The following RSPH3 variants were observed in gnomAD, a reference collection of about 807,000 sequenced individuals.
The protein encoded by RSPH3 is radial spoke head protein 3 homolog.
A neutral mutation model predicts 43.8 loss-of-function variants in RSPH3; 21 were observed. The ratio of observed to expected loss-of-function variants is 0.48; its 90% CI spans 0.34 to 0.69. RSPH3 has a LOEUF of 0.69. Among genes scored for constraint, RSPH3 ranks in the 30% least tolerant of loss-of-function variants. The pLI, the probability that RSPH3 is intolerant of heterozygous loss-of-function variation, is 0.01. For missense variants in RSPH3, 487 were observed against 516.0 expected, an observed-to-expected ratio of 0.94 and a Z score of 0.54; for synonymous variants, 173 against 179.8, an observed-to-expected ratio of 0.96 and a Z score of 0.30.
At chr6:158,986,115 C>T (rs1778230229) in intron 3 of RSPH3, among the ~76,000 whole-genome samples, 165 bp downstream of exon 3, 1 of 152,180 alleles carries the variant, frequency 6.6e-6, no homozygotes, top group Non-Finnish European at 1.5e-5. Flanking sequence ...CACACCCAGC[C>T]TAGTCTATGT....
At chr6:158,991,393 T>G (rs1013444725) in intron 2 of RSPH3, among the ~76,000 whole-genome samples, 4 of 152,186 alleles carry the variant, frequency 2.6e-5, no homozygotes, top group African/African-American at 9.6e-5. Flanking sequence ...GGGTTGGAAG[T>G]TCAACTTCCT....
the RSPH3 span, among the ~76,000 whole-genome samples, chr6:158,966,097 A>G: frequency 3.3e-5 from 5 of 152,218 alleles, no homozygotes; most frequent in African/African-American, 1.2e-4. Context: ...TTCAGGGTAC[A>G]TGTGCAGATT....
chr6:158,979,386 C>T (rs933891119), intron 6 of RSPH3, among the ~76,000 whole-genome samples: 3 of 152,104 alleles, frequency 2.0e-5, no homozygotes, highest in Non-Finnish European at 4.4e-5. Context: ...AAAAAGGCTA[C>T]TGGTCTCTCT....
At chr6:158,970,191 ATTC>A (rs578082893), downstream of RSPH3, among the ~76,000 whole-genome samples, 302 of 151,708 alleles carry the variant, frequency 2.0e-3, 9 homozygotes, top group Admixed American at 0.018. Flanking sequence ...GCTGTTTGTT[ATTC>A]TTTGTTTAAT....
Position 158,999,593 on chromosome 6 carries a change from G to A in RSPH3, c.-43C>T. On this transcript the variant is annotated 5_prime_UTR_variant, in exon 1 of 8. Transcript: ENST00000367069. ...CTCGCTTTCGGTGGAGCTTGGCTTT[G>A]AAGCAGGTGGGCGCTAAGGTGTTGT... 6.2e-7 allele frequency: 1 copy of A among 1,610,620 alleles called. No homozygotes were observed. The highest frequency in any genetic ancestry group is 1.3e-5 in the African/African-American group (1 of 74,970).
the RSPH3 span, among the ~76,000 whole-genome samples, chr6:158,963,479 T>C: frequency 8.0e-6 from 1 of 124,530 alleles, no homozygotes; most frequent in African/African-American, 3.0e-5. Flanking sequence ...TCCTCTCCCT[T>C]CCCTTCCCTT....
intron 1 of RSPH3, among the ~76,000 whole-genome samples, chr6:158,997,852 T>TG (rs1478950456): frequency 6.1e-5 from 9 of 147,110 alleles, no homozygotes; most frequent in African/African-American, 9.8e-5. Flanking sequence ...AAATTTTCTA[T>TG]TTTAGTTTTC....
chr6:158,980,256 G>C (rs1039058128), intron 6 of RSPH3, among the ~76,000 whole-genome samples: 1 of 152,078 alleles, frequency 6.6e-6, no homozygotes, highest in Non-Finnish European at 1.5e-5. Flanking sequence ...GCGAAACCCC[G>C]TCTCTACTAA....
intron 3 of RSPH3, among the ~76,000 whole-genome samples, chr6:158,985,376 C>T (rs1039833354): frequency 3.9e-5 from 6 of 152,188 alleles, no homozygotes; most frequent in African/African-American, 1.4e-4. Context: ...AACAGTGATT[C>T]ATGTTGGGCT....
At chr6:158,998,222 C>A (rs1189954603) in intron 1 of RSPH3, among the ~76,000 whole-genome samples, 1 of 140,000 alleles carries the variant, frequency 7.1e-6, no homozygotes, top group Non-Finnish European at 1.5e-5. Flanking sequence ...GAGGCCGAGG[C>A]GGGCGGATCA....
At chr6:158,984,434 T>TTTTTTATATATATA (rs1300418942) in intron 3 of RSPH3, among the ~76,000 whole-genome samples, 3 of 63,706 alleles carry the variant, frequency 4.7e-5, no homozygotes, top group African/African-American at 2.4e-4. Context: ...AAAAAGTCAA[T>TTTTTTATATATATA]TATATATATA....
chr6:158,969,188 G>T (rs1421853840), downstream of RSPH3, among the ~76,000 whole-genome samples: 1 of 152,114 alleles, frequency 6.6e-6, no homozygotes, highest in Non-Finnish European at 1.5e-5. Context: ...AGTATTTCTT[G>T]TAGGGTAGGT....
rs1263716260 is a variant in RSPH3 at position 158,989,266 on chromosome 6, C to T, written c.205-2845G>A. Among the ~76,000 whole-genome samples, 1 of 152,082 alleles carries T rather than the reference C, an allele frequency of 6.6e-6. No homozygotes were observed. Among genetic ancestry groups the T allele is most frequent in the Admixed American group, 6.6e-5 (1 of 15,266 alleles). On this transcript the variant is annotated intron_variant, in intron 2 of 7. Coordinates refer to ENST00000367069, the MANE Select transcript of RSPH3 (RefSeq NM_031924.8). The surrounding 1 kb of genome is among the most constrained non-coding windows in gnomAD (Gnocchi z 4.3). The stretch of plus-strand genomic sequence containing the variant: ...TTCATCATATTGGTCAGGCTGGTCT[C>T]GAACTAATGACCTCAAGCGATCTGC...
At position 158,989,195 on chromosome 6, in the gene RSPH3, C is replaced by G. The variant is rs1214507984; in HGVS notation, c.205-2774G>C. On this transcript the variant is annotated intron_variant, in intron 2 of 7. Transcript: ENST00000367069. The surrounding 1 kb of genome is among the most constrained non-coding windows in gnomAD (Gnocchi z 4.3). Reference sequence around the variant, plus strand: ...TCAAGTAGCTGGGATTACAGGTGCCCGCCACCATGCCTGGCTAATTTTTGT... The same window carrying G: ...TCAAGTAGCTGGGATTACAGGTGCCGGCCACCATGCCTGGCTAATTTTTGT... Among the ~76,000 whole-genome samples the G allele has an allele frequency of 6.6e-6, 1 of 151,894 alleles. No homozygotes were observed. Among genetic ancestry groups the G allele is most frequent in the Non-Finnish European group, 1.5e-5 (1 of 67,986 alleles).
chr6:158,977,534 C>T lies in RSPH3; in HGVS notation c.*4G>A, dbSNP rs776508169. Reference sequence around the variant, plus strand: ...ATTGGTTTCATGACTTTGAAGCTTCCCTCCTATGACAATTCTTCCTCCCCT... The same window carrying T: ...ATTGGTTTCATGACTTTGAAGCTTCTCTCCTATGACAATTCTTCCTCCCCT... On this transcript the variant is annotated 3_prime_UTR_variant, in exon 8 of 8. Coordinates refer to ENST00000367069, the MANE Select transcript of RSPH3 (RefSeq NM_031924.8). 1 of 1,593,142 alleles carries T rather than the reference C, an allele frequency of 6.3e-7. No individual in the cohort carries two copies. Among genetic ancestry groups the T allele is most frequent in the South Asian group, 1.1e-5 (1 of 88,122 alleles).
At chr6:158,963,934 A>T in the RSPH3 span, among the ~76,000 whole-genome samples, 7 of 152,208 alleles carry the variant, frequency 4.6e-5, no homozygotes, top group Non-Finnish European at 7.3e-5. Flanking sequence ...CAATGAAAAC[A>T]ATTTTTAACA....
rs2114734034 is a variant in RSPH3 at position 158,999,811 on chromosome 6, G to A, written c.-261C>T. 1 of 1,613,718 alleles carries A rather than the reference G, an allele frequency of 6.2e-7. No homozygotes were observed. The highest frequency in any genetic ancestry group is 2.2e-5 in the East Asian group (1 of 44,860). ...GCCCAGCAACCCAGGGTTCTGTCTGGGGGCGGGAACTCCGGGCAGTTCCGG... is the reference window on the plus strand; with the variant it reads ...GCCCAGCAACCCAGGGTTCTGTCTGAGGGCGGGAACTCCGGGCAGTTCCGG... On this transcript the variant is annotated 5_prime_UTR_variant, in exon 1 of 8. Transcript: ENST00000367069.
At chr6:158,983,579 C>T (rs1778111869) in intron 4 of RSPH3, 83 bp downstream of exon 4, 3 of 991,098 alleles carry the variant, frequency 3.0e-6, no homozygotes, top group Non-Finnish European at 3.3e-6. Context: ...TGAAGTGGTT[C>T]TTGCTCATAT....
intron 3 of RSPH3, among the ~76,000 whole-genome samples, chr6:158,984,434 T>TTTTATATACATATATATATATA: frequency 1.6e-5 from 1 of 63,650 alleles, no homozygotes; most frequent in Admixed American, 2.1e-4. Flanking sequence ...AAAAAGTCAA[T>TTTTATATACATATATATATATA]TATATATATA....
Sources: gnomAD v4.1 joint callset for allele counts (sites outside exome capture counted in the v4.1 genomes callset) on GRCh38, gnomAD v4.1.1 for gene constraint, Gnocchi (gnomAD v3.1) non-coding constraint, MANE v1.5 for transcripts, NCBI Gene and HGNC (gene_info 2026-07-23, HGNC 2026-07-21) for gene names.